EFCAB6: variants seen among roughly 807,000 people sequenced by gnomAD.
The protein encoded by EFCAB6 is EF-hand calcium binding domain 6.
EFCAB6 carries 156 observed loss-of-function variants against 169.8 expected under a neutral mutation model. The observed-to-expected ratio is 0.92, with a 90% CI of 0.81 to 1.05. The LOEUF (loss-of-function observed/expected upper bound fraction) is 1.05. Ranked by LOEUF, EFCAB6 falls within the 50% of genes least tolerant of loss-of-function variation. The probability of loss-of-function intolerance (pLI) is 0.00; values close to 1 mark genes in which losing one functional copy is unlikely to be tolerated. For synonymous variants in EFCAB6, 698 were observed against 676.4 expected (o/e 1.03, Z -0.50); for missense variants, 1,800 against 1,829.1 (o/e 0.98, Z 0.29).
At chr22:43,548,569 A>AAT (rs1569140151) in intron 27 of EFCAB6, among the ~76,000 whole-genome samples, 2 of 129,812 alleles carry the variant, frequency 1.5e-5, no homozygotes, top group African/African-American at 5.8e-5. Context: ...AAAAAAAAAA[A>AAT]AGGTCAACTC....
chr22:43,725,382 C>T (rs540266961), intron 8 of EFCAB6, among the ~76,000 whole-genome samples: 22 of 152,222 alleles, frequency 1.4e-4, no homozygotes, highest in African/African-American at 4.3e-4. Flanking sequence ...TTCAGGTGAT[C>T]CACCCGCCTC....
intron 6 of EFCAB6, among the ~76,000 whole-genome samples, chr22:43,737,287 C>T (rs1430131656): frequency 6.6e-6 from 1 of 152,054 alleles, no homozygotes; most frequent in Non-Finnish European, 1.5e-5. Flanking sequence ...GTCACACACA[C>T]ATGCACAGAT....
At chr22:43,617,496 C>CGTTTG (rs2053774127) in intron 20 of EFCAB6, among the ~76,000 whole-genome samples, 1 of 152,196 alleles carries the variant, frequency 6.6e-6, no homozygotes, top group African/African-American at 2.4e-5. Context: ...TATCCATGAG[C>CGTTTG]AAACCAATGA....
At chr22:43,765,211 G>A in intron 5 of EFCAB6, 94 bp downstream of exon 5, 1 of 862,992 alleles carries the variant, frequency 1.2e-6, no homozygotes, top group South Asian at 1.5e-5. Context: ...TCCATATATA[G>A]CTGTTGATAT....
At chr22:43,651,458 A>T (rs1249439343) in intron 17 of EFCAB6, among the ~76,000 whole-genome samples, 5 of 152,262 alleles carry the variant, frequency 3.3e-5, no homozygotes, top group African/African-American at 1.2e-4. Context: ...TCTAAGCAGA[A>T]GTTTGCCCGC....
intron 28 of EFCAB6, among the ~76,000 whole-genome samples, chr22:43,539,065 C>G (rs1346010113): frequency 6.6e-6 from 1 of 152,178 alleles, no homozygotes; most frequent in Non-Finnish European, 1.5e-5. Flanking sequence ...TTGCATCTCT[C>G]TAGCCCTGAG....
chr22:43,557,652 G>A (rs1178756650), intron 26 of EFCAB6, among the ~76,000 whole-genome samples: 1 of 152,070 alleles, frequency 6.6e-6, no homozygotes, highest in Admixed American at 6.5e-5. Flanking sequence ...AACACAGAAA[G>A]AGTCATATTC....
intron 19 of EFCAB6, among the ~76,000 whole-genome samples, chr22:43,631,227 C>T (rs905896494): frequency 5.3e-5 from 8 of 151,422 alleles, no homozygotes; most frequent in Non-Finnish European, 8.8e-5. Context: ...AGTCTAACTC[C>T]CTGATACCCT....
intron 29 of EFCAB6, 183 bp from the exon 30 acceptor site, chr22:43,535,055 G>C (rs1044276938): frequency 1.6e-6 from 1 of 617,558 alleles, no homozygotes; most frequent in Admixed American, 3.2e-5. Flanking sequence ...ACTAAGTGCC[G>C]CAGGGAGGGG....
chr22:43,635,729 A>G (rs1569291745), intron 17 of EFCAB6, among the ~76,000 whole-genome samples: 1 of 152,102 alleles, frequency 6.6e-6, no homozygotes, highest in Non-Finnish European at 1.5e-5. Context: ...TCTTCTCCAT[A>G]TGCTAGTCCA....
intron 13 of EFCAB6, among the ~76,000 whole-genome samples, chr22:43,675,312 G>GTATATACTATAATATATAATATAATATAC (rs1569362027): frequency 0.019 from 1,996 of 103,516 alleles, 149 homozygotes; most frequent in African/African-American, 0.068. Context: ...ATATATTATA[G>GTATATACTATAATATATAATATAATATAC]TATATTATAC....
At chr22:43,641,933 C>T (rs906766742) in intron 17 of EFCAB6, among the ~76,000 whole-genome samples, 1 of 152,150 alleles carries the variant, frequency 6.6e-6, no homozygotes, top group African/African-American at 2.4e-5. Context: ...CAGGAGCATA[C>T]AATTTGGAGA....
chr22:43,784,547 A>ATATACACACATATATGTG (rs1204100633), intron 2 of EFCAB6, among the ~76,000 whole-genome samples: 1 of 81,092 alleles, frequency 1.2e-5, no homozygotes, highest in Non-Finnish European at 2.4e-5. Flanking sequence ...GTGTGTGTAT[A>ATATACACACATATATGTG]TGTATATATA....
At chr22:43,550,263 C>G (rs899156386) in intron 27 of EFCAB6, among the ~76,000 whole-genome samples, 1 of 152,166 alleles carries the variant, frequency 6.6e-6, no homozygotes, top group African/African-American at 2.4e-5. Flanking sequence ...GGTCACACAG[C>G]TGGATGAGAG....
chr22:43,796,324 C>T (rs2062508418), intron 2 of EFCAB6, among the ~76,000 whole-genome samples: 1 of 152,008 alleles, frequency 6.6e-6, no homozygotes, highest in Non-Finnish European at 1.5e-5. Context: ...CGTCAACCTC[C>T]AAAAAATGAT....
At chr22:43,555,986 A>T (rs1334203659) in intron 26 of EFCAB6, among the ~76,000 whole-genome samples, 1 of 152,222 alleles carries the variant, frequency 6.6e-6, no homozygotes, top group African/African-American at 2.4e-5. Flanking sequence ...GCATCTGCGG[A>T]TGCTCACTGT....
intron 10 of EFCAB6, among the ~76,000 whole-genome samples, chr22:43,698,066 C>A (rs1346881615): frequency 2.6e-5 from 4 of 152,176 alleles, no homozygotes; most frequent in Non-Finnish European, 5.9e-5. Context: ...GCCATAGGTA[C>A]ATGCTGAGTC....
At chr22:43,590,458 A>G (rs2051409325) in intron 23 of EFCAB6, among the ~76,000 whole-genome samples, 2 of 152,250 alleles carry the variant, frequency 1.3e-5, no homozygotes, top group Admixed American at 1.3e-4. Context: ...AAATTACAAC[A>G]TTAGAGAAAT....
chr22:43,715,872 C>G (rs2059317514), intron 9 of EFCAB6, among the ~76,000 whole-genome samples: 1 of 152,168 alleles, frequency 6.6e-6, no homozygotes, highest in Non-Finnish European at 1.5e-5. Context: ...TCGACACTGG[C>G]TTTGTGAGTT....
Sources: gnomAD v4.1 joint callset for allele counts (sites outside exome capture counted in the v4.1 genomes callset) on GRCh38, gnomAD v4.1.1 for gene constraint, MANE v1.5 for transcripts, NCBI Gene and HGNC (gene_info 2026-07-23, HGNC 2026-07-21) for gene names.